SLC44A4: variants seen among roughly 807,000 people sequenced by gnomAD.
The protein encoded by SLC44A4 is solute carrier family 44 member 4, also known as choline transporter-like protein 4.
A neutral mutation model predicts 97.0 loss-of-function variants in SLC44A4; 74 were observed. The observed-to-expected ratio is 0.76, with a 90% CI of 0.63 to 0.93. The LOEUF is 0.93. Ranked by LOEUF, SLC44A4 falls within the 40% of genes least tolerant of loss-of-function variation. The pLI, the probability that SLC44A4 is intolerant of heterozygous loss-of-function variation, is 0.00. For synonymous variants in SLC44A4, 325 were observed against 363.8 expected (o/e 0.89, Z 1.21); for missense variants, 799 against 902.9 (o/e 0.88, Z 1.48).
rs185127969 is a variant in SLC44A4, at chr6:31,871,637, A to C, written c.530-76T>G. ...AGGGTCTCTGGCCCCCTCCCAGTCC[A>C]CAGTGCCCTTAGGGGAGGGAAGGGT... is the stretch of plus-strand genomic sequence containing the variant. On this transcript the variant is annotated intron_variant, in intron 7 of 20. Transcript: ENST00000229729. 50 of 1,138,332 alleles carry C rather than the reference A, an allele frequency of 4.4e-5. No individual in the cohort carries two copies. The East Asian group carries it at 1.2e-3, about 28-fold the overall frequency. The allele number at this position is 1,138,332 out of a possible 1,614,324, so 70.5% of individuals were successfully genotyped here. A position where few individuals can be genotyped will look rare whatever the true frequency, so the allele number is the denominator to read the frequency against.
In SLC44A4 at chr6:31,864,755, T is replaced by C. The variant is rs757244808; in HGVS notation, c.1927-19A>G. The stretch of plus-strand genomic sequence containing the variant: ...TGGAGGTCTGGAAGACATGACCCGT[T>C]GGGGTTATTGGGTTCCTCTGGGGAG... On this transcript the variant is annotated intron_variant, in intron 19 of 20. Transcript: ENST00000229729. 1.2e-6 allele frequency: 2 copies of C among 1,613,832 alleles called. No individual in the cohort carries two copies. The highest frequency in any genetic ancestry group is 4.5e-5 in the East Asian group (2 of 44,862).
chr6:31,871,163 C>T lies in SLC44A4; in HGVS notation c.702-116G>A, dbSNP rs9267652. ...CAATGTCCCCAGATTAGGCCTCTTTCCCTTATAAATCCTGTTGGTCTTGGA... is the reference window on the plus strand; with the variant it reads ...CAATGTCCCCAGATTAGGCCTCTTTTCCTTATAAATCCTGTTGGTCTTGGA... On this transcript the variant is annotated intron_variant, in intron 9 of 20. Coordinates refer to ENST00000229729, the MANE Select transcript of SLC44A4 (RefSeq NM_025257.3). 0.043 allele frequency: 54,053 copies of T among 1,263,432 alleles called. 2,012 individuals carry two copies. The highest frequency in any genetic ancestry group is 0.16 in the African/African-American group (10,804 of 67,472). 78.3% of individuals were successfully genotyped at this position (1,263,432 alleles called of 1,614,324 possible).
chr6:31,878,880 A>G lies in SLC44A4; in HGVS notation c.40+61T>C. 6.4e-7 allele frequency: 1 copy of G among 1,571,340 alleles called. No individual in the cohort carries two copies. Among genetic ancestry groups the G allele is most frequent in the Non-Finnish European group, 8.8e-7 (1 of 1,141,532 alleles). On this transcript the variant is annotated intron_variant, in intron 1 of 20. Coordinates refer to ENST00000229729, the MANE Select transcript of SLC44A4 (RefSeq NM_025257.3). The surrounding 1 kb of genome is among the most constrained non-coding windows in gnomAD (Gnocchi z 4.0). ...CTCCCTGGAGCCAGCCCCAGACACCATTCCCAAAGTACCCGTCCTCCCCTC... is the reference window on the plus strand; with the variant it reads ...CTCCCTGGAGCCAGCCCCAGACACCGTTCCCAAAGTACCCGTCCTCCCCTC...
At position 31,877,434 on chromosome 6, in the gene SLC44A4, C is replaced by A. The variant is rs982550315; in HGVS notation, c.41-352G>T. ...CTCCCTTTAGCTGGGATGTGGGACT[C>A]CCAGTGGCTCTCACTCCCTCATTCT... is the stretch of plus-strand genomic sequence containing the variant. On this transcript the variant is annotated intron_variant, in intron 1 of 20. Coordinates refer to ENST00000229729, the MANE Select transcript of SLC44A4 (RefSeq NM_025257.3). The surrounding 1 kb of genome is among the most constrained non-coding windows in gnomAD (Gnocchi z 6.5). The A allele has an allele frequency of 2.8e-6, 1 of 362,128 alleles. No homozygotes were observed. The highest frequency in any genetic ancestry group is 8.2e-4 in the Middle Eastern group (1 of 1,224). The allele number at this position is 362,128 out of a possible 1,614,324, so 22.4% of individuals were successfully genotyped here.
Position 31,876,162 on chromosome 6 carries a change from A to G in SLC44A4, c.90-33T>C. ...AGAAACGAAACGGGAGGCTGAGCTA[A>G]GGAGACTTGGGGAGGTAGGGCTTAT... On this transcript the variant is annotated intron_variant, in intron 2 of 20. Coordinates refer to ENST00000229729, the MANE Select transcript of SLC44A4 (RefSeq NM_025257.3). The surrounding 1 kb of genome is among the most constrained non-coding windows in gnomAD (Gnocchi z 4.8). 1 of 1,587,756 alleles carries G rather than the reference A, an allele frequency of 6.3e-7. No homozygotes were observed. The highest frequency in any genetic ancestry group is 8.6e-7 in the Non-Finnish European group (1 of 1,161,896).
rs752613987 is a variant in SLC44A4, at chr6:31,865,731, A to G, written c.1541T>C (p.Ile514Thr). Residue 514 changes from isoleucine (I) to threonine (T), a missense_variant, in exon 15 of 21, where the codon ATA becomes ACA. This residue lies in a region of SLC44A4 where 379 missense variants were observed against 438.3 expected (regional missense o/e 0.86). Coordinates refer to ENST00000229729, the MANE Select transcript of SLC44A4 (RefSeq NM_025257.3). This position sits in a 1 kb window ranked among gnomAD's most constrained non-coding sequence, Gnocchi z 5.2. ...AATATACTCCAAGATGACCCGGGCT[A>G]TCTGCACAAGGGTCAGGATGAGGGC... Reference protein sequence around the residue: ...FGALILTLVQIARVILEYIDH... With the variant: ...FGALILTLVQTARVILEYIDH... 1.2e-6 allele frequency: 2 copies of G among 1,613,626 alleles called. No homozygotes were observed. The highest frequency in any genetic ancestry group is 1.3e-5 in the African/African-American group (1 of 75,038).
chr6:31,876,599 T>TGCATGG lies in SLC44A4; in HGVS notation c.89+434_89+435insCCATGC, dbSNP rs1763456774. On this transcript the variant is annotated intron_variant, in intron 2 of 20. Transcript: ENST00000229729. This position sits in a 1 kb window ranked among gnomAD's most constrained non-coding sequence, Gnocchi z 4.8. ...TCCCATCTCAAAGAAATTAGCCTGGTGTGATGGTGCATGCCTGTAGTCCCA... is the reference window on the plus strand; with the variant it reads ...TCCCATCTCAAAGAAATTAGCCTGGTGCATGGGTGATGGTGCATGCCTGTAGTCCCA... Among the ~76,000 whole-genome samples, 1 of 152,104 alleles carries TGCATGG rather than the reference T, an allele frequency of 6.6e-6. No individual in the cohort carries two copies. The highest frequency in any genetic ancestry group is 1.5e-5 in the Non-Finnish European group (1 of 68,014).
Position 31,877,092 on chromosome 6 carries a change from A to G in SLC44A4, c.41-10T>C. 1 of 1,609,120 alleles carries G rather than the reference A, an allele frequency of 6.2e-7. No individual in the cohort carries two copies. The highest frequency in any genetic ancestry group is 8.5e-7 in the Non-Finnish European group (1 of 1,178,712). On this transcript the variant is annotated splice_polypyrimidine_tract_variant and intron_variant, in intron 1 of 20. Transcript: ENST00000229729. This position sits in a 1 kb window ranked among gnomAD's most constrained non-coding sequence, Gnocchi z 6.5. Reference sequence around the variant, plus strand: ...TATTTGACTGGCTTCCCTGAGGGACATGAGAAGAGGTGTGGAGGATGAGTC... The same window carrying G: ...TATTTGACTGGCTTCCCTGAGGGACGTGAGAAGAGGTGTGGAGGATGAGTC...
intron 7 of SLC44A4, among the ~76,000 whole-genome samples, chr6:31,872,980 A>G (rs140381303): frequency 1.7e-4 from 26 of 152,060 alleles, no homozygotes; most frequent in Middle Eastern, 3.4e-3. Context: ...GGGCTCAAGC[A>G]ATTCTCCTAC....
At position 31,878,842 on chromosome 6, in the gene SLC44A4, C is replaced by T. The variant is rs981052887; in HGVS notation, c.40+99G>A. On this transcript the variant is annotated intron_variant, in intron 1 of 20. Transcript: ENST00000229729. This position sits in a 1 kb window ranked among gnomAD's most constrained non-coding sequence, Gnocchi z 4.0. ...GCCCTCCCCTCAGGGACACAGTACT[C>T]TCCTTAGTTCCTCTCCCTGGAGCCA... 17 of 1,373,012 alleles carry T rather than the reference C, an allele frequency of 1.2e-5. No individual in the cohort carries two copies. Among genetic ancestry groups the T allele is most frequent in the Non-Finnish European group, 1.6e-5 (15 of 962,702 alleles). The allele number at this position is 1,373,012 out of a possible 1,614,324, so 85.1% of individuals were successfully genotyped here.
Position 31,877,137 on chromosome 6 carries a change from C to T in SLC44A4, c.41-55G>A. ...TGAGTCTCTCTCTGCATATCTTGTC[C>T]TGCTGAGTCCTCCTAGCCCCAGGAT... On this transcript the variant is annotated intron_variant, in intron 1 of 20. Transcript: ENST00000229729. This position sits in a 1 kb window ranked among gnomAD's most constrained non-coding sequence, Gnocchi z 6.5. 6.4e-7 allele frequency: 1 copy of T among 1,550,648 alleles called. No individual in the cohort carries two copies. The highest frequency in any genetic ancestry group is 8.8e-7 in the Non-Finnish European group (1 of 1,135,368).
rs960647373 is a variant in SLC44A4 at position 31,878,900 on chromosome 6, C to G, written c.40+41G>C. On this transcript the variant is annotated intron_variant, in intron 1 of 20. Transcript: ENST00000229729. The surrounding 1 kb of genome is among the most constrained non-coding windows in gnomAD (Gnocchi z 4.0). The stretch of plus-strand genomic sequence containing the variant: ...ACACCATTCCCAAAGTACCCGTCCT[C>G]CCCTCCCTCCACAGGGTCCCGGGCC... The G allele has an allele frequency of 6.2e-7, 1 of 1,607,344 alleles. No homozygotes were observed. The highest frequency in any genetic ancestry group is 8.5e-7 in the Non-Finnish European group (1 of 1,173,932).
chr6:31,876,932 C>T lies in SLC44A4; in HGVS notation c.89+102G>A. The stretch of plus-strand genomic sequence containing the variant: ...ATCTGGGGCAGGAGTTTCTCTTTTT[C>T]ACAAGTTTCCTACTAATATTTTAGC... On this transcript the variant is annotated intron_variant, in intron 2 of 20. Transcript: ENST00000229729. This position sits in a 1 kb window ranked among gnomAD's most constrained non-coding sequence, Gnocchi z 4.8. 4.0e-6 allele frequency: 5 copies of T among 1,255,902 alleles called. No homozygotes were observed. The highest frequency in any genetic ancestry group is 4.4e-6 in the Non-Finnish European group (4 of 904,592). 77.8% of individuals were successfully genotyped at this position (1,255,902 alleles called of 1,614,324 possible).
chr6:31,865,307 A>C lies in SLC44A4; in HGVS notation c.1760+8T>G, dbSNP rs763686046. ...GGGAGCCACAAAGCGGGGGGGGAGC[A>C]GCCTAACCTGACAATGTTTCGCATG... On this transcript the variant is annotated splice_region_variant and intron_variant, in intron 17 of 20. Coordinates refer to ENST00000229729, the MANE Select transcript of SLC44A4 (RefSeq NM_025257.3). The surrounding 1 kb of genome is among the most constrained non-coding windows in gnomAD (Gnocchi z 5.2). 1 of 1,613,966 alleles carries C rather than the reference A, an allele frequency of 6.2e-7. No homozygotes were observed.
chr6:31,864,957 CT>C, intron 18 of SLC44A4, 47 bp from the exon 19 acceptor site: 1 of 1,613,652 alleles, frequency 6.2e-7, no homozygotes, highest in South Asian at 1.1e-5. Context: ...GAGGCCACCT[CT>C]TCAGCTGCCC....
chr6:31,868,728 G>A (rs1373835990), intron 13 of SLC44A4, among the ~76,000 whole-genome samples: 1 of 152,110 alleles, frequency 6.6e-6, no homozygotes, highest in African/African-American at 2.4e-5. Context: ...CCTGGGGGAT[G>A]GAGGTTGCAG....
Position 31,869,767 on chromosome 6 carries a change from C to T in SLC44A4, c.1038-130G>A, listed in dbSNP as rs190865934. The T allele has an allele frequency of 6.3e-4, 426 of 673,196 alleles. 5 individuals are homozygous for T. Among genetic ancestry groups the T allele is most frequent in the African/African-American group, 4.7e-3 (264 of 56,308 alleles). The allele number at this position is 673,196 out of a possible 1,614,324, so 41.7% of individuals were successfully genotyped here. A position where few individuals can be genotyped will look rare whatever the true frequency, so the allele number is the denominator to read the frequency against. ...TTGGGAGGCTGAGGCGGGCGGATCA[C>T]GAGGTCAGGAGATCGAGACCATGCT... is the stretch of plus-strand genomic sequence containing the variant. On this transcript the variant is annotated intron_variant, in intron 11 of 20. Coordinates refer to ENST00000229729, the MANE Select transcript of SLC44A4 (RefSeq NM_025257.3).
Position 31,871,476 on chromosome 6 carries a change from G to T in SLC44A4, c.615C>A (p.Ile205=). The T allele has an allele frequency of 6.2e-7, 1 of 1,613,944 alleles. No homozygotes were observed. Among genetic ancestry groups the T allele is most frequent in the Non-Finnish European group, 8.5e-7 (1 of 1,179,852 alleles). Residue 205 remains isoleucine (I), a splice_region_variant and synonymous_variant, in exon 8 of 21, where the codon ATC becomes ATA. Transcript: ENST00000229729. ...ITNDTTIQQG[I]SGLIDSLNAR... ...ATGTGGGGGAGGGAGGTGCCTACCTGATCCCCTGCTGTATGGTGGTGTCAT... is the reference window on the plus strand; with the variant it reads ...ATGTGGGGGAGGGAGGTGCCTACCTTATCCCCTGCTGTATGGTGGTGTCAT...
Position 31,863,711 on chromosome 6 carries a change from C to A in SLC44A4, c.2049G>T (p.Arg683=). Residue 683 remains arginine, a synonymous_variant, in exon 21 of 21, where the codon CGG becomes CGT. Coordinates refer to ENST00000229729, the MANE Select transcript of SLC44A4 (RefSeq NM_025257.3). ...DLERNNGSLD[R]PYYMSKSLLK... is the part of the protein sequence containing the mutation. ...GAAGGCTCTTGGACATGTAGTAGGGCCGGTCCAGGGAGCCGTTGTTCCGCT... is the reference window on the plus strand; with the variant it reads ...GAAGGCTCTTGGACATGTAGTAGGGACGGTCCAGGGAGCCGTTGTTCCGCT... 1 of 1,612,706 alleles carries A rather than the reference C, an allele frequency of 6.2e-7. No homozygotes were observed. The highest frequency in any genetic ancestry group is 1.1e-5 in the South Asian group (1 of 91,040).
Sources: gnomAD v4.1 joint callset for allele counts (sites outside exome capture counted in the v4.1 genomes callset) on GRCh38, gnomAD v4.1.1 for gene constraint, gnomAD v4.1.1 regional missense constraint, Gnocchi (gnomAD v3.1) non-coding constraint, MANE v1.5 for transcripts, NCBI Gene and HGNC (gene_info 2026-07-23, HGNC 2026-07-21) for gene names.